The following TPTE2 variants were observed in gnomAD, a reference collection of about 807,000 sequenced individuals.
TPTE2 encodes the protein phosphatidylinositol 3,4,5-trisphosphate 3-phosphatase TPTE2.
Under a neutral mutation model 78.6 loss-of-function variants are expected in TPTE2, and 53 were observed. The ratio of observed to expected loss-of-function variants is 0.67; its 90% CI spans 0.54 to 0.85. The LOEUF is 0.85. TPTE2 is among the 40% of genes least tolerant of loss of function. TPTE2 has a pLI of 0.00. For synonymous variants in TPTE2, 175 were observed against 206.2 expected (o/e 0.85, Z 1.30); for missense variants, 461 against 623.0 (o/e 0.74, Z 2.77).
chr13:19,550,799 A>T, the TPTE2 span, among the ~76,000 whole-genome samples: 144 of 150,052 alleles, frequency 9.6e-4, 1 homozygote, highest in South Asian at 1.9e-3. Flanking sequence ...TTATTTATTT[A>T]TTTATTTTTT....
the TPTE2 span, chr13:19,560,448 T>A: frequency 6.2e-7 from 1 of 1,607,900 alleles, no homozygotes. Flanking sequence ...CATCCTGCAG[T>A]GGCAGTGAGC....
chr13:19,448,332 T>C (rs1437218531), intron 13 of TPTE2, among the ~76,000 whole-genome samples: 1 of 152,180 alleles, frequency 6.6e-6, no homozygotes, highest in East Asian at 1.9e-4. Context: ...AATGATACTG[T>C]ATCAAACTAA....
At chr13:19,458,641 C>G (rs923558150) in intron 10 of TPTE2, 1 of 490,418 alleles carries the variant, frequency 2.0e-6, no homozygotes, top group Admixed American at 2.1e-5. Context: ...CAGTCTTTTG[C>G]TTGCCTCCCT....
the TPTE2 span, among the ~76,000 whole-genome samples, chr13:19,557,438 T>C: frequency 2.6e-5 from 4 of 152,194 alleles, no homozygotes; most frequent in Admixed American, 6.5e-5. Context: ...TCCCAGGGCA[T>C]ACCTGAGAAC....
At chr13:19,556,454 T>G in the TPTE2 span, among the ~76,000 whole-genome samples, 1 of 152,174 alleles carries the variant, frequency 6.6e-6, no homozygotes, top group Non-Finnish European at 1.5e-5. Context: ...ATCAAAAGTT[T>G]GTATAAGTAA....
intron 1 of TPTE2, among the ~76,000 whole-genome samples, chr13:19,497,205 C>A (rs1252935609): frequency 6.7e-6 from 1 of 150,162 alleles, no homozygotes; most frequent in Non-Finnish European, 1.5e-5. Context: ...AACTGCAAGG[C>A]GGCAGCGAGG....
intron 1 of TPTE2, among the ~76,000 whole-genome samples, chr13:19,534,765 T>G (rs1309489019): frequency 6.6e-6 from 1 of 152,184 alleles, no homozygotes; most frequent in Admixed American, 6.5e-5. Flanking sequence ...TGTAGCCAAT[T>G]TGCATGCCAT....
rs1010372809 is a variant in TPTE2 at position 19,474,651 on chromosome 13, T to C, written c.231-576A>G. Among the ~76,000 whole-genome samples, 12 of 152,346 alleles carry C rather than the reference T, an allele frequency of 7.9e-5. No homozygotes were observed. The South Asian group carries it at 1.7e-3, about 21-fold the overall frequency. On this transcript the variant is annotated intron_variant, in intron 5 of 19. Transcript: ENST00000400230. ...GGCACATGAGTCTTGAACTCTAAAG[T>C]ACTTCCTGCCACTTGCTGTTACATA...
chr13:19,511,293 A>C (rs937789312), intron 1 of TPTE2, among the ~76,000 whole-genome samples: 1 of 152,240 alleles, frequency 6.6e-6, no homozygotes, highest in African/African-American at 2.4e-5. Flanking sequence ...CAAGAAGAAT[A>C]ATCTTATGTT....
intron 15 of TPTE2, among the ~76,000 whole-genome samples, chr13:19,435,222 C>T (rs1462983866): frequency 6.6e-6 from 1 of 152,048 alleles, no homozygotes; most frequent in Non-Finnish European, 1.5e-5. Context: ...GATTTTAAGA[C>T]AATTTTGGAA....
chr13:19,439,373 G>A (rs577166017), intron 13 of TPTE2, among the ~76,000 whole-genome samples: 1 of 151,654 alleles, frequency 6.6e-6, no homozygotes, highest in East Asian at 1.9e-4. Context: ...ACCCTACCCA[G>A]CATGCTCTAC....
chr13:19,543,598 C>T, the TPTE2 span, among the ~76,000 whole-genome samples: 68 of 144,422 alleles, frequency 4.7e-4, no homozygotes, highest in Middle Eastern at 4.1e-3. Flanking sequence ...TCAGGTGATC[C>T]ACCCCCCTCA....
chr13:19,483,192 T>C (rs1378461081), intron 3 of TPTE2, among the ~76,000 whole-genome samples: 4 of 152,184 alleles, frequency 2.6e-5, no homozygotes, highest in Non-Finnish European at 5.9e-5. Context: ...ATGGTTGGAG[T>C]GGCTGAGGCA....
At chr13:19,447,241 A>T (rs1877901033) in intron 13 of TPTE2, among the ~76,000 whole-genome samples, 1 of 152,172 alleles carries the variant, frequency 6.6e-6, no homozygotes, top group Admixed American at 6.5e-5. Flanking sequence ...AAAATCAACA[A>T]AATATTATGT....
chr13:19,455,221 G>A (rs1051569596), intron 10 of TPTE2, among the ~76,000 whole-genome samples: 1 of 152,176 alleles, frequency 6.6e-6, no homozygotes, highest in Non-Finnish European at 1.5e-5. Flanking sequence ...TTATACAACT[G>A]CTGAAGTCTC....
At chr13:19,549,194 CA>C in the TPTE2 span, among the ~76,000 whole-genome samples, 6 of 149,716 alleles carry the variant, frequency 4.0e-5, no homozygotes, top group Non-Finnish European at 8.9e-5. Context: ...AGCTTCTGCA[CA>C]AAAAAAGAAA....
chr13:19,482,395 C>A, intron 4 of TPTE2, 93 bp downstream of exon 7: 1 of 1,429,074 alleles, frequency 7.0e-7, no homozygotes. Context: ...CCATAGTTTC[C>A]CTTTTTCCTT....
intron 13 of TPTE2, among the ~76,000 whole-genome samples, chr13:19,439,496 T>G (rs1238963307): frequency 3.3e-5 from 5 of 152,058 alleles, no homozygotes; most frequent in Non-Finnish European, 7.4e-5. Flanking sequence ...TTACACAAAT[T>G]AGAAGTGCTA....
chr13:19,426,485 TAATA>T lies in TPTE2; in HGVS notation c.1331_1334del (p.Ile444LysfsTer14). 1 of 1,603,212 alleles carries T rather than the reference TAATA, an allele frequency of 6.2e-7. No individual in the cohort carries two copies. The highest frequency in any genetic ancestry group is 8.5e-7 in the Non-Finnish European group (1 of 1,170,180). ...GAGGTGGACCGTCATATACATTAAT[TAATA>T]TTTTGTCTGTTTCAATGTCATGCAA... On this transcript the variant is annotated frameshift_variant, in exon 18 of 20. Coordinates refer to ENST00000400230, the Ensembl canonical transcript of TPTE2. LOFTEE classifies it high-confidence loss of function.
Sources: gnomAD v4.1 joint callset for allele counts (sites outside exome capture counted in the v4.1 genomes callset) on GRCh38, gnomAD v4.1.1 for gene constraint, MANE v1.5 for transcripts, NCBI Gene and HGNC (gene_info 2026-07-23, HGNC 2026-07-21) for gene names.